The following C4BPA variants were observed in gnomAD, a reference collection of about 807,000 sequenced individuals.
C4BPA encodes the protein complement component 4 binding protein alpha, also known as C4b-binding protein alpha chain.
A neutral mutation model predicts 63.7 loss-of-function variants in C4BPA; 31 were observed. The observed-to-expected ratio is 0.49, with a 90% CI of 0.37 to 0.66. C4BPA has a LOEUF of 0.66. Among genes scored for constraint, C4BPA ranks in the 30% least tolerant of loss-of-function variants. The pLI, the probability that C4BPA is intolerant of heterozygous loss-of-function variation, is 0.00. For synonymous variants in C4BPA, 259 were observed against 254.7 expected (o/e 1.02, Z -0.16); for missense variants, 572 against 723.3 (o/e 0.79, Z 2.40).
Position 207,124,255 on chromosome 1 carries a change from G to T in C4BPA, c.595G>T (p.Val199Phe). 6.2e-7 allele frequency: 1 copy of T among 1,613,866 alleles called. No homozygotes were observed. Among genetic ancestry groups the T allele is most frequent in the East Asian group, 2.2e-5 (1 of 44,850 alleles). ...AAATTTCTACGCATACGGCTTTTCT[G>T]TCACCTACAGCTGTGACCCCCGCTT... ...EENFYAYGFS[V>F]TYSCDPRFSL... The change falls in exon 6 of 12, where the codon GTC becomes TTC. Residue 199 changes from valine to phenylalanine, a missense_variant. Physicochemically the swap from Val to Phe is conservative, Grantham distance 50. Coordinates refer to ENST00000367070, the MANE Select transcript of C4BPA (RefSeq NM_000715.4).
intron 3 of C4BPA, 49 bp from the exon 4 acceptor site, chr1:207,115,367 A>G (rs1327053580): frequency 1.1e-6 from 1 of 948,058 alleles, no homozygotes; most frequent in Non-Finnish European, 1.6e-6. Flanking sequence ...CTAATGCCAT[A>G]TCTGTGAGTA....
intron 4 of C4BPA, among the ~76,000 whole-genome samples, chr1:207,119,069 C>T (rs1252467533): frequency 1.9e-5 from 1 of 52,274 alleles, no homozygotes; most frequent in Non-Finnish European, 5.4e-5. Flanking sequence ...TAAAGCCCAC[C>T]ATTGTAAACT....
At position 207,141,215 on chromosome 1, in the gene C4BPA, C is replaced by A; in HGVS notation, c.1383C>A (p.Val461=). The part of the protein sequence containing the change: ...IYECDKGYIL[V]GQAKLSCSYS... ...AATGTGATAAAGGCTACATTCTGGTCGGACAGGCGAAACTCTCCTGCAGTT... is the reference window on the plus strand; with the variant it reads ...AATGTGATAAAGGCTACATTCTGGTAGGACAGGCGAAACTCTCCTGCAGTT... Residue 461 remains valine, a synonymous_variant, in exon 10 of 12, where the codon GTC becomes GTA. Transcript: ENST00000367070. 1 of 1,613,644 alleles carries A rather than the reference C, an allele frequency of 6.2e-7. No homozygotes were observed. The highest frequency in any genetic ancestry group is 1.3e-5 in the African/African-American group (1 of 74,986).
At chr1:207,115,079 T>C (rs1386643186) in intron 3 of C4BPA, among the ~76,000 whole-genome samples, 1 of 152,224 alleles carries the variant, frequency 6.6e-6, no homozygotes, top group Non-Finnish European at 1.5e-5. Flanking sequence ...TTTTGTGACA[T>C]GCATTTTTTA....
In C4BPA at chr1:207,126,300, T is replaced by C. The variant is rs142666936; in HGVS notation, c.707-413T>C. 2.8e-3 allele frequency among the ~76,000 whole-genome samples: 413 copies of C among 147,926 alleles called. 1 individual carries two copies. The highest frequency in any genetic ancestry group is 8.7e-3 in the African/African-American group (357 of 40,832). On this transcript the variant is annotated intron_variant, in intron 6 of 11. Transcript: ENST00000367070. ...ATCAAATATAAAAATATATAATATATAATACTATTGGTATAGTGTTATATA... is the reference window on the plus strand; with the variant it reads ...ATCAAATATAAAAATATATAATATACAATACTATTGGTATAGTGTTATATA...
At chr1:207,112,286 C>A (rs17186582) in intron 1 of C4BPA, among the ~76,000 whole-genome samples, 32,437 of 150,738 alleles carry the variant, frequency 0.22, 4,465 homozygotes, top group Middle Eastern at 0.33. Context: ...TCACAAGGAA[C>A]TCCCAATACT....
Position 207,141,179 on chromosome 1 carries a change from G to A in C4BPA, c.1347G>A (p.Glu449=), listed in dbSNP as rs201262669. The A allele has an allele frequency of 6.2e-7, 1 of 1,613,502 alleles. No individual in the cohort carries two copies. Among genetic ancestry groups the A allele is most frequent in the Admixed American group, 1.7e-5 (1 of 59,982 alleles). ...GTTCATACAGCTTTTTCAAAGAAGAGATTATATATGAATGTGATAAAGGCT... is the reference window on the plus strand; with the variant it reads ...GTTCATACAGCTTTTTCAAAGAAGAAATTATATATGAATGTGATAAAGGCT... ...QSSSYSFFKE[E]IIYECDKGYI... The change falls in exon 10 of 12, where the codon GAG becomes GAA. Residue 449 remains glutamate, a synonymous_variant. Transcript: ENST00000367070.
At chr1:207,130,847 G>A (rs1377539533) in intron 7 of C4BPA, among the ~76,000 whole-genome samples, 1 of 152,082 alleles carries the variant, frequency 6.6e-6, no homozygotes, top group African/African-American at 2.4e-5. Flanking sequence ...TTCTTCTTGG[G>A]TTGATAAAAA....
chr1:207,110,216 GGGA>G (rs1390093298), intron 1 of C4BPA, among the ~76,000 whole-genome samples: 2 of 152,118 alleles, frequency 1.3e-5, no homozygotes, highest in Non-Finnish European at 2.9e-5. Flanking sequence ...TTGGATAGGA[GGGA>G]ATGCTGGAGA....
chr1:207,122,706 T>TG (rs1279361729), intron 4 of C4BPA, among the ~76,000 whole-genome samples: 1 of 152,152 alleles, frequency 6.6e-6, no homozygotes, highest in Non-Finnish European at 1.5e-5. Context: ...CTCAAGTAGC[T>TG]GGGACTACAG....
chr1:207,117,944 C>T (rs1009173417), intron 4 of C4BPA, among the ~76,000 whole-genome samples: 3 of 152,182 alleles, frequency 2.0e-5, no homozygotes, highest in Non-Finnish European at 4.4e-5. Flanking sequence ...GCTATGCTTT[C>T]CTCAGTTCGT....
At chr1:207,133,212 ATTG>A (rs1440421288) in intron 8 of C4BPA, among the ~76,000 whole-genome samples, 1 of 152,188 alleles carries the variant, frequency 6.6e-6, no homozygotes, top group Non-Finnish European at 1.5e-5. Context: ...CATAAATATT[ATTG>A]TTGTTTTAAT....
intron 1 of C4BPA, among the ~76,000 whole-genome samples, chr1:207,104,687 G>A (rs535506365): frequency 6.6e-6 from 1 of 152,306 alleles, no homozygotes; most frequent in African/African-American, 2.4e-5. Flanking sequence ...AGAAGAAGAG[G>A]TGTAAGGTGT....
intron 7 of C4BPA, 193 bp downstream of exon 7, chr1:207,127,088 G>A: frequency 2.2e-6 from 1 of 448,164 alleles, no homozygotes; most frequent in Non-Finnish European, 3.9e-6. Flanking sequence ...GTCATATATT[G>A]TCACACAAAA....
At chr1:207,125,182 C>T (rs1334584653) in intron 6 of C4BPA, among the ~76,000 whole-genome samples, 1 of 152,218 alleles carries the variant, frequency 6.6e-6, no homozygotes, top group Admixed American at 6.5e-5. Context: ...TGCAAAATGC[C>T]TGGAGTTAGA....
intron 10 of C4BPA, among the ~76,000 whole-genome samples, chr1:207,142,252 T>A (rs571027717): frequency 6.6e-6 from 1 of 152,220 alleles, no homozygotes. Context: ...CATGAACTCA[T>A]TCTTTTTTGT....
At chr1:207,121,742 A>C (rs1036862952) in intron 4 of C4BPA, among the ~76,000 whole-genome samples, 1 of 152,084 alleles carries the variant, frequency 6.6e-6, no homozygotes, top group Admixed American at 6.6e-5. Context: ...TATACATTTA[A>C]ATTTATATAA....
chr1:207,139,599 A>G (rs1376888081), intron 9 of C4BPA, among the ~76,000 whole-genome samples: 1 of 152,184 alleles, frequency 6.6e-6, no homozygotes, highest in African/African-American at 2.4e-5. Context: ...TATTCTGACT[A>G]TACGTTCAAG....
chr1:207,133,218 G>A (rs1558095303), intron 8 of C4BPA, among the ~76,000 whole-genome samples: 1 of 152,096 alleles, frequency 6.6e-6, no homozygotes, highest in African/African-American at 2.4e-5. Flanking sequence ...TATTATTGTT[G>A]TTTTAATATC....
Sources: allele counts gnomAD v4.1 joint callset (sites outside exome capture counted in the v4.1 genomes callset), GRCh38; gene constraint gnomAD v4.1.1; transcripts MANE v1.5; gene names NCBI Gene and HGNC (gene_info 2026-07-23, HGNC 2026-07-21).